Variants in PHLPP2 observed in about 807,000 individuals in gnomAD.
The protein encoded by PHLPP2 is PH domain and leucine rich repeat protein phosphatase 2.
PHLPP2 carries 66 observed loss-of-function variants against 124.9 expected under a neutral mutation model. The ratio of observed to expected loss-of-function variants is 0.53; its 90% CI spans 0.43 to 0.65. The LOEUF (loss-of-function observed/expected upper bound fraction) is 0.65. Among genes scored for constraint, PHLPP2 ranks in the 30% least tolerant of loss-of-function variants. The pLI, the probability that PHLPP2 is intolerant of heterozygous loss-of-function variation, is 0.00. For missense variants in PHLPP2, 1,685 were observed against 1,600.4 expected (o/e 1.05, Z -0.90); for synonymous variants, 681 against 624.7 (o/e 1.09, Z -1.34).
At chr16:71,685,588 CA>C (rs1048348929) in intron 4 of PHLPP2, among the ~76,000 whole-genome samples, 3 of 152,158 alleles carry the variant, frequency 2.0e-5, no homozygotes, top group African/African-American at 7.2e-5. Context: ...ATAATTTTCA[CA>C]ATATTAAATT....
At chr16:71,681,676 A>G in intron 6 of PHLPP2, 75 bp downstream of exon 6, 1 of 1,114,718 alleles carries the variant, frequency 9.0e-7, no homozygotes, top group Non-Finnish European at 1.2e-6. Context: ...ATACAATGGT[A>G]GCAGGTAGAA....
intron 14 of PHLPP2, 69 bp downstream of exon 14, chr16:71,658,584 G>A (rs2032919): frequency 4.1e-6 from 6 of 1,476,298 alleles, no homozygotes; most frequent in Non-Finnish European, 5.5e-6. Context: ...CTTTATAAAA[G>A]GAAAATAATG....
intron 2 of PHLPP2, among the ~76,000 whole-genome samples, chr16:71,714,130 G>C (rs1167612610): frequency 2.6e-5 from 4 of 151,910 alleles, no homozygotes; most frequent in African/African-American, 7.2e-5. Context: ...AGTAGCAGCA[G>C]GGTTTCGCCA....
intron 3 of PHLPP2, among the ~76,000 whole-genome samples, chr16:71,692,822 G>GT (rs10689621): frequency 2.8e-4 from 43 of 151,908 alleles, no homozygotes; most frequent in African/African-American, 5.3e-4. Flanking sequence ...ATTTTTCTTT[G>GT]TTTTTTTATT....
intron 15 of PHLPP2, among the ~76,000 whole-genome samples, 172 bp downstream of exon 15, chr16:71,658,061 A>G (rs981248320): frequency 6.6e-6 from 1 of 152,224 alleles, no homozygotes; most frequent in Non-Finnish European, 1.5e-5. Context: ...CAGGTTGACT[A>G]CTGGATAGAA....
chr16:71,657,402 T>C (rs530028153), intron 15 of PHLPP2, among the ~76,000 whole-genome samples: 21 of 147,872 alleles, frequency 1.4e-4, no homozygotes, highest in African/African-American at 3.0e-4. Context: ...CTTTTTTTTT[T>C]TCTCTTTTTT....
intron 4 of PHLPP2, among the ~76,000 whole-genome samples, chr16:71,688,696 T>C (rs1189612534): frequency 6.6e-6 from 1 of 151,296 alleles, no homozygotes; most frequent in Non-Finnish European, 1.5e-5. Flanking sequence ...TCTCACCCTA[T>C]CTGCTGCTTC....
At chr16:71,680,377 G>A (rs751685829) in intron 6 of PHLPP2, among the ~76,000 whole-genome samples, 3 of 152,136 alleles carry the variant, frequency 2.0e-5, no homozygotes, top group Non-Finnish European at 4.4e-5. Context: ...AAATGTGACA[G>A]CATTTTACCA....
intron 3 of PHLPP2, chr16:71,698,619 G>A (rs566208736): frequency 2.0e-5 from 12 of 604,618 alleles, no homozygotes; most frequent in South Asian, 5.8e-5. Flanking sequence ...GGCTGAGTAC[G>A]CTACCAAGGA....
At chr16:71,663,851 G>A (rs370699328) in intron 13 of PHLPP2, 48 bp downstream of exon 13, 60 of 1,375,084 alleles carry the variant, frequency 4.4e-5, no homozygotes, top group Non-Finnish European at 6.0e-5. Context: ...GACAAATATA[G>A]AATTAATGTT....
chr16:71,700,674 C>T (rs1326498754), intron 3 of PHLPP2, among the ~76,000 whole-genome samples: 4 of 151,532 alleles, frequency 2.6e-5, no homozygotes, highest in Non-Finnish European at 4.4e-5. Context: ...TATAGGTGCC[C>T]GCCACCAGGC....
At chr16:71,699,227 C>T (rs373069493) in intron 3 of PHLPP2, among the ~76,000 whole-genome samples, 2 of 152,112 alleles carry the variant, frequency 1.3e-5, no homozygotes, top group East Asian at 1.9e-4. Context: ...ACCCCACCTT[C>T]GAGCCAAAAA....
intron 16 of PHLPP2, among the ~76,000 whole-genome samples, chr16:71,655,657 C>T (rs1169563789): frequency 6.6e-6 from 1 of 152,010 alleles, no homozygotes; most frequent in Non-Finnish European, 1.5e-5. Context: ...TGCCTGCCAC[C>T]ACGCTGGGCT....
chr16:71,671,630 T>C (rs1199031087), intron 10 of PHLPP2, among the ~76,000 whole-genome samples: 1 of 151,920 alleles, frequency 6.6e-6, no homozygotes, highest in Non-Finnish European at 1.5e-5. Context: ...AAACCCACTA[T>C]CTGGCTGGGC....
chr16:71,669,221 C>G, intron 11 of PHLPP2, 54 bp downstream of exon 11: 1 of 1,242,686 alleles, frequency 8.0e-7, no homozygotes, highest in Non-Finnish European at 1.2e-6. Flanking sequence ...AATTTAAATA[C>G]GCACACACGT....
At chr16:71,701,977 T>C (rs1463213263) in intron 3 of PHLPP2, among the ~76,000 whole-genome samples, 9 of 152,212 alleles carry the variant, frequency 5.9e-5, no homozygotes, top group Admixed American at 2.0e-4. Flanking sequence ...ACTAAGGATC[T>C]TGGAACGCAA....
intron 9 of PHLPP2, among the ~76,000 whole-genome samples, chr16:71,674,843 A>G (rs2044931198): frequency 6.6e-6 from 1 of 152,138 alleles, no homozygotes; most frequent in Non-Finnish European, 1.5e-5. Context: ...CTAAAAATAC[A>G]AAAATTAGAT....
At chr16:71,695,104 T>C (rs2045156226) in intron 3 of PHLPP2, among the ~76,000 whole-genome samples, 1 of 152,078 alleles carries the variant, frequency 6.6e-6, no homozygotes, top group African/African-American at 2.4e-5. Flanking sequence ...ATTTTATCTA[T>C]CAGATTAGTA....
chr16:71,715,834 AAAAAAC>A (rs1209182683), intron 1 of PHLPP2, among the ~76,000 whole-genome samples: 8 of 150,890 alleles, frequency 5.3e-5, no homozygotes, highest in African/African-American at 2.0e-4. Context: ...AAAAAAAAAA[AAAAAAC>A]AAAAAATTAG....
Sources: gnomAD v4.1 joint callset for allele counts (sites outside exome capture counted in the v4.1 genomes callset) on GRCh38, gnomAD v4.1.1 for gene constraint, MANE v1.5 for transcripts, NCBI Gene and HGNC (gene_info 2026-07-23, HGNC 2026-07-21) for gene names.